The following PTPRN2 variants were observed in gnomAD, a reference collection of about 807,000 sequenced individuals.
PTPRN2 encodes receptor-type tyrosine-protein phosphatase N2.
A neutral mutation model predicts 118.8 loss-of-function variants in PTPRN2; 74 were observed. The ratio of observed to expected loss-of-function variants is 0.62; its 90% confidence interval spans 0.52 to 0.76. The LOEUF (loss-of-function observed/expected upper bound fraction) is 0.76, where lower values mean the gene tolerates loss of function less well. Among genes scored for constraint, PTPRN2 ranks in the 30% least tolerant of loss-of-function variants. The pLI is 0.00. For synonymous variants in PTPRN2, 641 were observed against 608.0 expected, an observed-to-expected ratio of 1.05 and a Z score of -0.80; for missense variants, 1,481 against 1,394.4, an observed-to-expected ratio of 1.06 and a Z score of -0.99.
intron 2 of PTPRN2, among the ~76,000 whole-genome samples, chr7:158,348,637 C>A (rs1807715332): frequency 6.6e-6 from 1 of 152,200 alleles, no homozygotes. Context: ...TTCCCTCCCT[C>A]ACAGAGTTTT....
At chr7:158,562,110 A>G (rs1057091142) in intron 1 of PTPRN2, among the ~76,000 whole-genome samples, 4 of 152,222 alleles carry the variant, frequency 2.6e-5, no homozygotes, top group Non-Finnish European at 4.4e-5. Context: ...ACAGAATGCC[A>G]CAGGTCGGGT....
At chr7:157,688,670 C>G (rs1049486823) in intron 12 of PTPRN2, among the ~76,000 whole-genome samples, 14 of 152,230 alleles carry the variant, frequency 9.2e-5, no homozygotes, top group African/African-American at 2.9e-4. Flanking sequence ...CTCTTCAGGA[C>G]TGGGGGGGTT....
At chr7:158,070,324 T>C (rs113976957) in intron 11 of PTPRN2, among the ~76,000 whole-genome samples, 2,639 of 130,700 alleles carry the variant, frequency 0.02, 78 homozygotes, top group African/African-American at 0.065. Flanking sequence ...GTGGAGGTGC[T>C]CGTGGTGTGG....
chr7:157,703,790 G>C (rs1037041017), intron 12 of PTPRN2, among the ~76,000 whole-genome samples: 6 of 152,190 alleles, frequency 3.9e-5, no homozygotes, highest in African/African-American at 1.2e-4. Flanking sequence ...TCCGAGACTG[G>C]CAGGTCAGGA....
At chr7:158,298,852 C>G (rs1383839677) in intron 3 of PTPRN2, among the ~76,000 whole-genome samples, 1 of 152,196 alleles carries the variant, frequency 6.6e-6, no homozygotes, top group Non-Finnish European at 1.5e-5. Flanking sequence ...CAGCACAGCC[C>G]AGACCCAGGG....
intron 2 of PTPRN2, among the ~76,000 whole-genome samples, chr7:158,468,526 T>A (rs1670356): frequency 6.6e-6 from 1 of 151,260 alleles, no homozygotes; most frequent in Non-Finnish European, 1.5e-5. Flanking sequence ...CTGGCGCCAG[T>A]TTATGTCTGG....
intron 2 of PTPRN2, among the ~76,000 whole-genome samples, chr7:158,329,470 G>A (rs1803951241): frequency 6.6e-6 from 1 of 152,138 alleles, no homozygotes; most frequent in Non-Finnish European, 1.5e-5. Context: ...GAGGAGGTGG[G>A]GCCTTCCTTA....
At chr7:158,051,431 A>G (rs1168752668) in intron 11 of PTPRN2, among the ~76,000 whole-genome samples, 1 of 152,198 alleles carries the variant, frequency 6.6e-6, no homozygotes, top group East Asian at 1.9e-4. Context: ...GTCCCTCCCA[A>G]GTCTGTCTGC....
intron 3 of PTPRN2, among the ~76,000 whole-genome samples, chr7:158,233,053 C>A (rs541385670): frequency 7.9e-5 from 12 of 152,292 alleles, no homozygotes; most frequent in Admixed American, 2.6e-4. Flanking sequence ...TTTTATACAA[C>A]ATAGCACTGA....
chr7:158,200,969 A>G (rs1038112144), intron 4 of PTPRN2, among the ~76,000 whole-genome samples: 1 of 152,190 alleles, frequency 6.6e-6, no homozygotes, highest in South Asian at 2.1e-4. Flanking sequence ...TTACTGAAGA[A>G]GTTTTATTTA....
At chr7:158,184,629 T>C (rs964156907) in intron 5 of PTPRN2, among the ~76,000 whole-genome samples, 5 of 152,080 alleles carry the variant, frequency 3.3e-5, no homozygotes, top group African/African-American at 4.8e-5. Flanking sequence ...CTGGCCAACA[T>C]GGTGAAACCT....
intron 2 of PTPRN2, among the ~76,000 whole-genome samples, chr7:158,434,097 C>T (rs921414702): frequency 1.3e-5 from 2 of 152,018 alleles, no homozygotes; most frequent in East Asian, 1.9e-4. Context: ...TTTATCTGAT[C>T]AAAACATTTC....
In PTPRN2 at chr7:158,424,352, G is replaced by A. The variant is rs144372995; in HGVS notation, c.163+65383C>T. On this transcript the variant is annotated intron_variant, in intron 2 of 22. Coordinates refer to ENST00000389418, the MANE Select transcript of PTPRN2 (RefSeq NM_002847.5). Reference sequence around the variant, plus strand: ...ATGGAATTCCGTCAAGGAGCAAAGCGAGGCGTTTTCAGAAACTCTGCCTGT... The same window carrying A: ...ATGGAATTCCGTCAAGGAGCAAAGCAAGGCGTTTTCAGAAACTCTGCCTGT... Among the ~76,000 whole-genome samples, 688 of 152,316 alleles carry A rather than the reference G, an allele frequency of 4.5e-3. 1 individual carries two copies. Among genetic ancestry groups the A allele is most frequent in the Middle Eastern group, 0.014 (4 of 294 alleles).
intron 17 of PTPRN2, among the ~76,000 whole-genome samples, chr7:157,584,982 A>G (rs1800596126): frequency 1.3e-5 from 2 of 152,156 alleles, no homozygotes; most frequent in Admixed American, 1.3e-4. Context: ...ATATAACCCA[A>G]CGCAGGGTGA....
rs111299880 is a variant in PTPRN2 at position 158,135,376 on chromosome 7, C to A, written c.1173+1279G>T. Among the ~76,000 whole-genome samples the A allele has an allele frequency of 3.7e-3, 558 of 152,242 alleles. 2 individuals are homozygous for A. The highest frequency in any genetic ancestry group is 0.013 in the African/African-American group (544 of 41,512). ...AATGACAATAGGATGTAGCCGTTGACGTTACTAAACAGAGCTAGGAAAAAG... is the reference window on the plus strand; with the variant it reads ...AATGACAATAGGATGTAGCCGTTGAAGTTACTAAACAGAGCTAGGAAAAAG... On this transcript the variant is annotated intron_variant, in intron 8 of 22. Transcript: ENST00000389418.
chr7:158,268,785 A>G (rs111615318), intron 3 of PTPRN2, among the ~76,000 whole-genome samples: 4,859 of 79,376 alleles, frequency 0.061, 822 homozygotes, highest in Middle Eastern at 0.11. Flanking sequence ...CCAGCCGCAC[A>G]CACACAGGGC....
At position 157,583,883 on chromosome 7, in the gene PTPRN2, AACACACAC is replaced by A. The variant is rs35071475; in HGVS notation, c.2497-5751_2497-5744del. 0.11 allele frequency among the ~76,000 whole-genome samples: 14,879 copies of A among 134,148 alleles called. 870 individuals are homozygous for A. Among genetic ancestry groups the A allele is most frequent in the Admixed American group, 0.14 (1,848 of 13,562 alleles). 88.0% of individuals were successfully genotyped at this position (134,148 alleles called of 152,430 possible). A position where few individuals can be genotyped will look rare whatever the true frequency, so the allele number is the denominator to read the frequency against. ...GGTGACAGAGCGAGACTCTGTCTCA[AACACACAC>A]ACACACACACACACACACACACACA... On this transcript the variant is annotated intron_variant, in intron 17 of 22. Coordinates refer to ENST00000389418, the MANE Select transcript of PTPRN2 (RefSeq NM_002847.5). The surrounding 1 kb of genome is among the most constrained non-coding windows in gnomAD (Gnocchi z 5.5).
intron 1 of PTPRN2, among the ~76,000 whole-genome samples, chr7:158,587,218 C>G (rs1829002014): frequency 7.4e-6 from 1 of 134,558 alleles, no homozygotes; most frequent in African/African-American, 2.8e-5. Context: ...GCCCCTTCCC[C>G]CACGCCCCGC....
chr7:157,970,644 C>A (rs1025636422), intron 11 of PTPRN2, among the ~76,000 whole-genome samples: 6 of 150,688 alleles, frequency 4.0e-5, no homozygotes, highest in Non-Finnish European at 8.9e-5. Flanking sequence ...GGACCCCCCC[C>A]CCCACAGGTT....
Sources: gnomAD v4.1 joint callset for allele counts (sites outside exome capture counted in the v4.1 genomes callset) on GRCh38, gnomAD v4.1.1 for gene constraint, Gnocchi (gnomAD v3.1) non-coding constraint, MANE v1.5 for transcripts, NCBI Gene and HGNC (gene_info 2026-07-23, HGNC 2026-07-21) for gene names.